SYT1: variants seen among roughly 807,000 people sequenced by gnomAD.
The protein encoded by SYT1 is synaptotagmin-1.
Under a neutral mutation model 44.8 loss-of-function variants are expected in SYT1, and 8 were observed. The observed-to-expected ratio is 0.18, with a 90% CI of 0.10 to 0.32. The LOEUF is 0.32. SYT1 is among the 10% of genes least tolerant of loss of function. The pLI, the probability that SYT1 is intolerant of heterozygous loss-of-function variation, is 1.00. For missense variants in SYT1, 286 were observed against 509.3 expected, an observed-to-expected ratio of 0.56 and a Z score of 4.22; for synonymous variants, 154 against 188.8, an observed-to-expected ratio of 0.82 and a Z score of 1.51.
At chr12:79,179,021 G>GATATATCT (rs1408222807) in intron 3 of SYT1, among the ~76,000 whole-genome samples, 3 of 31,006 alleles carry the variant, frequency 9.7e-5, no homozygotes, top group African/African-American at 2.3e-4. Flanking sequence ...TATAGATATA[G>GATATATCT]ATATAGATAT....
chr12:79,085,769 A>T (rs1877339360), intron 3 of SYT1, among the ~76,000 whole-genome samples: 1 of 152,150 alleles, frequency 6.6e-6, no homozygotes, highest in Non-Finnish European at 1.5e-5. Context: ...TGACTCCTAC[A>T]GTCCTTTATT....
chr12:79,305,683 C>T (rs539854067), intron 8 of SYT1, among the ~76,000 whole-genome samples: 206 of 152,230 alleles, frequency 1.4e-3, no homozygotes, highest in Non-Finnish European at 2.4e-3. Flanking sequence ...AATTCAAACA[C>T]AGGTCTAAAA....
chr12:79,094,507 TACA>T (rs1877992761), intron 3 of SYT1, among the ~76,000 whole-genome samples: 1 of 151,858 alleles, frequency 6.6e-6, no homozygotes, highest in Non-Finnish European at 1.5e-5. Context: ...TATACAAACA[TACA>T]GATAGGACAC....
Position 79,035,461 on chromosome 12 carries a change from G to A in SYT1, c.-83-11836G>A, listed in dbSNP as rs1873071178. Among the ~76,000 whole-genome samples the A allele has an allele frequency of 2.0e-5, 3 of 151,804 alleles. No individual in the cohort carries two copies. In the East Asian group the frequency reaches 5.8e-4, roughly 29 times the overall value. On this transcript the variant is annotated intron_variant, in intron 2 of 10. Coordinates refer to ENST00000261205, the MANE Select transcript of SYT1 (RefSeq NM_005639.3). ...TCCTTTTTATGAAGCCAACAATTAT[G>A]TATCTGTTTTATCTCAACATTCTCC...
intron 1 of SYT1, among the ~76,000 whole-genome samples, chr12:78,873,920 A>T (rs1873939114): frequency 6.6e-6 from 1 of 151,706 alleles, no homozygotes; most frequent in Non-Finnish European, 1.5e-5. Context: ...TGCAATGTGG[A>T]ATAATATAAG....
chr12:79,182,561 C>T (rs139327201), intron 3 of SYT1, among the ~76,000 whole-genome samples: 106 of 152,146 alleles, frequency 7.0e-4, no homozygotes, highest in Non-Finnish European at 1.2e-3. Context: ...GGAGAAAAAA[C>T]TATAGATATG....
chr12:78,890,765 C>T (rs1341651675), intron 1 of SYT1, among the ~76,000 whole-genome samples: 1 of 151,808 alleles, frequency 6.6e-6, no homozygotes, highest in African/African-American at 2.4e-5. Context: ...TTCTTATTTT[C>T]ACTCCTCGCT....
At chr12:79,035,797 C>G (rs187133930) in intron 2 of SYT1, among the ~76,000 whole-genome samples, 6 of 151,844 alleles carry the variant, frequency 4.0e-5, no homozygotes, top group Admixed American at 2.0e-4. Flanking sequence ...AAACTTGAAG[C>G]TGTAGCTTCA....
At chr12:79,179,959 T>C (rs1477036171) in intron 3 of SYT1, among the ~76,000 whole-genome samples, 1 of 152,090 alleles carries the variant, frequency 6.6e-6, no homozygotes, top group Non-Finnish European at 1.5e-5. Context: ...CAGAATTTAC[T>C]CAACCAATCC....
intron 4 of SYT1, among the ~76,000 whole-genome samples, chr12:79,248,338 G>A (rs1207677785): frequency 1.3e-5 from 2 of 152,116 alleles, no homozygotes; most frequent in South Asian, 2.1e-4. Flanking sequence ...CTCAACAGAC[G>A]GAGAGATTGG....
intron 3 of SYT1, among the ~76,000 whole-genome samples, chr12:79,129,280 A>G (rs2138169515): frequency 6.6e-6 from 1 of 152,350 alleles, no homozygotes; most frequent in East Asian, 1.9e-4. Context: ...TATTAAGGTG[A>G]TGCTCATCAG....
intron 4 of SYT1, among the ~76,000 whole-genome samples, chr12:79,265,684 A>C (rs1878086924): frequency 6.6e-6 from 1 of 152,166 alleles, no homozygotes; most frequent in Admixed American, 6.5e-5. Flanking sequence ...TATCATCTTT[A>C]AAATGAAGAT....
At position 78,876,901 on chromosome 12, in the gene SYT1, A is replaced by ATG. The variant is rs1565697980; in HGVS notation, c.-217+11793_-217+11794insGT. Among the ~76,000 whole-genome samples, 206 of 108,694 alleles carry ATG rather than the reference A, an allele frequency of 1.9e-3. 7 individuals are homozygous for ATG. Among genetic ancestry groups the ATG allele is most frequent in the African/African-American group, 6.9e-3 (188 of 27,420 alleles). The allele number at this position is 108,694 out of a possible 152,430, so 71.3% of individuals were successfully genotyped here. On this transcript the variant is annotated intron_variant, in intron 1 of 10. Transcript: ENST00000261205. ...ATGTATTATATATAATATATATTATATATTATATGTATTATATATAATATA... is the reference window on the plus strand; with the variant it reads ...ATGTATTATATATAATATATATTATATGTATTATATGTATTATATATAATATA...
chr12:79,018,590 G>A (rs1565765424), intron 2 of SYT1, among the ~76,000 whole-genome samples: 1 of 152,086 alleles, frequency 6.6e-6, no homozygotes, highest in Admixed American at 6.6e-5. Flanking sequence ...GCTGCTAGAA[G>A]TGGATTTCCC....
At chr12:79,025,963 A>C (rs1227883923) in intron 2 of SYT1, among the ~76,000 whole-genome samples, 1 of 151,662 alleles carries the variant, frequency 6.6e-6, no homozygotes, top group Non-Finnish European at 1.5e-5. Flanking sequence ...TCTTTCCCTC[A>C]GTGCTAGATA....
intron 1 of SYT1, among the ~76,000 whole-genome samples, chr12:78,968,764 T>C (rs1868306476): frequency 6.6e-6 from 1 of 152,190 alleles, no homozygotes; most frequent in African/African-American, 2.4e-5. Context: ...TAGGGTTCAG[T>C]AATATTTTAG....
At chr12:78,942,027 C>G (rs539547210) in intron 1 of SYT1, among the ~76,000 whole-genome samples, 3 of 152,310 alleles carry the variant, frequency 2.0e-5, no homozygotes, top group African/African-American at 7.2e-5. Context: ...CTTTTGGCCT[C>G]TTTTGTACAA....
intron 2 of SYT1, among the ~76,000 whole-genome samples, chr12:79,002,468 A>G (rs527262699): frequency 1.5e-4 from 23 of 150,554 alleles, no homozygotes; most frequent in Middle Eastern, 3.4e-3. Flanking sequence ...TTTTTTTTTT[A>G]TGAAGGAAAA....
chr12:79,005,449 T>A (rs1441487736), intron 2 of SYT1, among the ~76,000 whole-genome samples: 1 of 152,060 alleles, frequency 6.6e-6, no homozygotes, highest in East Asian at 1.9e-4. Context: ...TCATCTACAG[T>A]TTCCTTATAG....
Sources: allele counts gnomAD v4.1 joint callset (sites outside exome capture counted in the v4.1 genomes callset), GRCh38; gene constraint gnomAD v4.1.1; transcripts MANE v1.5; gene names NCBI Gene and HGNC (gene_info 2026-07-23, HGNC 2026-07-21).